SRSF4: variants seen among roughly 807,000 people sequenced by gnomAD.
SRSF4 encodes serine/arginine-rich splicing factor 4.
SRSF4 carries 12 observed loss-of-function variants against 48.8 expected under a neutral mutation model. The observed-to-expected ratio is 0.25, with a 90% CI of 0.16 to 0.40. SRSF4 has a LOEUF of 0.40. Ranked by LOEUF, SRSF4 falls within the 10% of genes least tolerant of loss-of-function variation. SRSF4 has a pLI of 1.00. For synonymous variants in SRSF4, 248 were observed against 232.5 expected, an observed-to-expected ratio of 1.07 and a Z score of -0.61; for missense variants, 466 against 667.1, an observed-to-expected ratio of 0.70 and a Z score of 3.32.
At chr1:29,159,829 ATATTT>A (rs1672565770) in intron 2 of SRSF4, 2 of 110,096 alleles carry the variant, frequency 1.8e-5, no homozygotes, top group Admixed American at 2.5e-4. Context: ...CATTTTGTGA[ATATTT>A]TATATGGAAA....
chr1:29,165,301 T>A (rs1027614201), intron 1 of SRSF4, among the ~76,000 whole-genome samples: 1 of 152,198 alleles, frequency 6.6e-6, no homozygotes, highest in South Asian at 2.1e-4. Context: ...CCATTGCCAA[T>A]GCGCTCATCT....
At chr1:29,168,012 C>CCTT (rs369108332) in intron 1 of SRSF4, among the ~76,000 whole-genome samples, 1 of 133,308 alleles carries the variant, frequency 7.5e-6, no homozygotes, top group Non-Finnish European at 1.6e-5. Context: ...GTTCTAATTC[C>CCTT]TTTTTTTTTT....
chr1:29,158,138 C>T (rs1300015708), intron 3 of SRSF4, among the ~76,000 whole-genome samples: 2 of 151,008 alleles, frequency 1.3e-5, no homozygotes, highest in Admixed American at 6.6e-5. Context: ...CACTGCACTC[C>T]AGCCTAGGCG....
chr1:29,164,860 TCTTTA>T (rs1672647859), intron 1 of SRSF4, among the ~76,000 whole-genome samples: 2 of 152,228 alleles, frequency 1.3e-5, no homozygotes, highest in Admixed American at 1.3e-4. Context: ...GAAACTCCTT[TCTTTA>T]ATGTTTCTCT....
At chr1:29,170,188 G>A (rs535675583) in intron 1 of SRSF4, 2 of 152,064 alleles carry the variant, frequency 1.3e-5, no homozygotes, top group Non-Finnish European at 2.9e-5. Context: ...CAAAAAAGGG[G>A]AATCAACTAT....
At chr1:29,149,971 T>C in intron 5 of SRSF4, 132 bp downstream of exon 5, 1 of 703,546 alleles carries the variant, frequency 1.4e-6, no homozygotes, top group Non-Finnish European at 2.4e-6. Context: ...GAGGCTGCAG[T>C]GAGCCATGAC....
intron 1 of SRSF4, chr1:29,172,841 A>G (rs1455870125): frequency 2.0e-5 from 3 of 152,222 alleles, no homozygotes; most frequent in African/African-American, 2.4e-5. Context: ...AGGGTTACTT[A>G]TAACAGCAAG....
Position 29,148,538 on chromosome 1 carries a change from T to C in SRSF4, c.1357A>G (p.Asn453Asp). The C allele has an allele frequency of 6.2e-7, 1 of 1,614,090 alleles. No individual in the cohort carries two copies. Among genetic ancestry groups the C allele is most frequent in the South Asian group, 1.1e-5 (1 of 91,078 alleles). The change falls in exon 6 of 6, where the codon AAC becomes GAC. Residue 453 changes from asparagine (N) to aspartate (D), a missense_variant. Around this residue, in one of 2 missense-constraint regions of SRSF4, gnomAD observed 402 missense variants for 437.0 expected, o/e 0.92. Transcript: ENST00000373795. ...CTGGAGCGTGATTCTGATGGAAGGT[T>C]TGGTTTCGATTTGGAATTGGATCTC... ...RSRSNSKSKP[N>D]LPSESRSRSK...
At chr1:29,162,642 T>C (rs996723464) in intron 1 of SRSF4, among the ~76,000 whole-genome samples, 1 of 152,220 alleles carries the variant, frequency 6.6e-6, no homozygotes. Context: ...AGGAGGGACA[T>C]TTGGCCTGGG....
chr1:29,149,411 C>T (rs541002660), intron 5 of SRSF4, among the ~76,000 whole-genome samples, 185 bp from the exon 6 acceptor site: 5 of 152,260 alleles, frequency 3.3e-5, no homozygotes, highest in African/African-American at 1.2e-4. Flanking sequence ...CCAGGTGCGG[C>T]GGCTCATGCC....
intron 1 of SRSF4, among the ~76,000 whole-genome samples, chr1:29,178,353 C>CTTCTTTTTTTTTTTTTTTTTTTT (rs141096220): frequency 7.8e-6 from 1 of 127,888 alleles, no homozygotes; most frequent in African/African-American, 3.0e-5. Flanking sequence ...GTTTCAATTA[C>CTTCTTTTTTTTTTTTTTTTTTTT]TTTTTTTTTT....
intron 4 of SRSF4, among the ~76,000 whole-genome samples, chr1:29,151,209 T>C (rs891095977): frequency 4.6e-5 from 7 of 152,216 alleles, no homozygotes; most frequent in African/African-American, 1.4e-4. Flanking sequence ...TTGCTAAAAA[T>C]GTTTAACCTG....
chr1:29,156,676 TGA>T lies in SRSF4; in HGVS notation c.364-1768_364-1767del, dbSNP rs1672504374. ...TCAATTATCTATTACTCTCGTTTCC[TGA>T]GAGTGGAACTGCCTGAAGGTACAGA... is the stretch of plus-strand genomic sequence containing the variant. On this transcript the variant is annotated intron_variant, in intron 3 of 5. Transcript: ENST00000373795. Among the ~76,000 whole-genome samples, 2 of 152,158 alleles carry T rather than the reference TGA, an allele frequency of 1.3e-5. 1 individual carries two copies. Among genetic ancestry groups the T allele is most frequent in the South Asian group, 4.1e-4 (2 of 4,826 alleles).
chr1:29,147,825 TA>T lies in SRSF4; in HGVS notation c.*584del, dbSNP rs1020789596. ...TTTGCAAGACGGGGAAAAATAAAATTAAAAAAAATTCTTTTCTTTTCTTTTT... is the reference window on the plus strand; with the variant it reads ...TTTGCAAGACGGGGAAAAATAAAATTAAAAAAATTCTTTTCTTTTCTTTTT... On this transcript the variant is annotated 3_prime_UTR_variant, in exon 6 of 6. Coordinates refer to ENST00000373795, the MANE Select transcript of SRSF4 (RefSeq NM_005626.5). The T allele has an allele frequency of 3.3e-5, 6 of 180,578 alleles. No homozygotes were observed. Among genetic ancestry groups the T allele is most frequent in the African/African-American group, 1.2e-4 (5 of 42,074 alleles). 11.2% of individuals were successfully genotyped at this position (180,578 alleles called of 1,614,324 possible).
intron 1 of SRSF4, chr1:29,171,316 TG>T (rs2151822092): frequency 6.6e-6 from 1 of 150,838 alleles, no homozygotes; most frequent in East Asian, 2.0e-4. Flanking sequence ...CCCGGAAACC[TG>T]AACTACCCTC....
At chr1:29,151,789 C>T (rs1034298258) in intron 4 of SRSF4, among the ~76,000 whole-genome samples, 3 of 152,152 alleles carry the variant, frequency 2.0e-5, no homozygotes. Flanking sequence ...TATTTAGGGG[C>T]AAAGTATCAT....
Position 29,181,794 on chromosome 1 carries a change from C to T in SRSF4, c.-42G>A, listed in dbSNP as rs772411930. The T allele has an allele frequency of 6.6e-7, 1 of 1,505,502 alleles. No homozygotes were observed. The highest frequency in any genetic ancestry group is 1.2e-5 in the South Asian group (1 of 80,954). 93.3% of individuals were successfully genotyped at this position (1,505,502 alleles called of 1,614,324 possible). On this transcript the variant is annotated 5_prime_UTR_variant, in exon 1 of 6. Transcript: ENST00000373795. ...ATGGCTGGCCCCGGCCCCAGCCCCCCTTAGGCGGCGGCGGGCAAAGCGAGA... is the reference window on the plus strand; with the variant it reads ...ATGGCTGGCCCCGGCCCCAGCCCCCTTTAGGCGGCGGCGGGCAAAGCGAGA...
intron 1 of SRSF4, 67 bp downstream of exon 1, chr1:29,181,579 C>G (rs1193032268): frequency 7.3e-7 from 1 of 1,363,520 alleles, no homozygotes; most frequent in East Asian, 2.8e-5. Context: ...CTCTCCCGTC[C>G]CCGCGGCCTC....
At chr1:29,181,579 C>T (rs1193032268) in intron 1 of SRSF4, 67 bp downstream of exon 1, 6 of 1,363,638 alleles carry the variant, frequency 4.4e-6, no homozygotes, top group African/African-American at 1.5e-5. Context: ...CTCTCCCGTC[C>T]CCGCGGCCTC....
Sources: gnomAD v4.1 joint callset for allele counts (sites outside exome capture counted in the v4.1 genomes callset) on GRCh38, gnomAD v4.1.1 for gene constraint, gnomAD v4.1.1 regional missense constraint, MANE v1.5 for transcripts, NCBI Gene and HGNC (gene_info 2026-07-23, HGNC 2026-07-21) for gene names.